Variants in CCDC13 observed in about 807,000 individuals in gnomAD.
CCDC13 encodes coiled-coil domain-containing protein 13.
Under a neutral mutation model 87.3 loss-of-function variants are expected in CCDC13, and 70 were observed. The ratio of observed to expected loss-of-function variants is 0.80; its 90% CI spans 0.66 to 0.98. The LOEUF is 0.98. CCDC13 is among the 50% of genes least tolerant of loss of function. CCDC13 has a pLI of 0.00. For missense variants in CCDC13, 842 were observed against 892.0 expected, an observed-to-expected ratio of 0.94 and a Z score of 0.71; for synonymous variants, 317 against 360.3, an observed-to-expected ratio of 0.88 and a Z score of 1.36.
intron 13 of CCDC13, among the ~76,000 whole-genome samples, chr3:42,722,791 C>CTT (rs956889825): frequency 1.3e-3 from 139 of 109,054 alleles, no homozygotes; most frequent in Middle Eastern, 6.3e-3. Context: ...TATTCCTTTA[C>CTT]TTTTTTTTTT....
intron 4 of CCDC13, 75 bp downstream of exon 4, chr3:42,752,500 T>G (rs1699609089): frequency 6.4e-7 from 1 of 1,573,130 alleles, no homozygotes; most frequent in Non-Finnish European, 8.7e-7. Flanking sequence ...CGGCTACATA[T>G]GGAGAAGCTA....
chr3:42,753,980 G>A (rs977146118), intron 3 of CCDC13, among the ~76,000 whole-genome samples: 5 of 152,174 alleles, frequency 3.3e-5, no homozygotes, highest in Non-Finnish European at 5.9e-5. Context: ...CATCGTCATC[G>A]ACTAGGTGGG....
At chr3:42,769,827 C>A (rs1025100239) in intron 1 of CCDC13, among the ~76,000 whole-genome samples, 3 of 152,238 alleles carry the variant, frequency 2.0e-5, no homozygotes, top group Non-Finnish European at 2.9e-5. Flanking sequence ...GCCGCAAGCC[C>A]CTGGCAGTGA....
chr3:42,732,123 C>T (rs1306548924), intron 12 of CCDC13, among the ~76,000 whole-genome samples: 1 of 152,240 alleles, frequency 6.6e-6, no homozygotes, highest in East Asian at 1.9e-4. Context: ...TGCCTTGTGG[C>T]TCAGTGTCAG....
chr3:42,769,863 T>G (rs1349191005), intron 1 of CCDC13, among the ~76,000 whole-genome samples: 2 of 152,246 alleles, frequency 1.3e-5, no homozygotes, highest in Non-Finnish European at 2.9e-5. Flanking sequence ...GGCCAGCAGC[T>G]GCTGTGCTCA....
rs769432338 is a variant in CCDC13, at chr3:42,735,915, T to TG, written c.1165-3dup. ...CTCCTGTAGCTGCTTCAGCTGGTCCTGGGGGGCCAGGCAGGAGGGCAGGTG... is the reference window on the plus strand; with the variant it reads ...CTCCTGTAGCTGCTTCAGCTGGTCCTGGGGGGGCCAGGCAGGAGGGCAGGTG... On this transcript the variant is annotated splice_polypyrimidine_tract_variant and splice_region_variant and intron_variant, in intron 9 of 15. Coordinates refer to ENST00000310232, the MANE Select transcript of CCDC13 (RefSeq NM_144719.4). 8 of 1,612,424 alleles carry TG rather than the reference T, an allele frequency of 5.0e-6. No homozygotes were observed. The highest frequency in any genetic ancestry group is 3.4e-4 in the Middle Eastern group (2 of 5,892).
chr3:42,745,259 G>A (rs1193321490), intron 7 of CCDC13: 5 of 151,900 alleles, frequency 3.3e-5, no homozygotes, highest in African/African-American at 1.2e-4. Flanking sequence ...CTTTTATACA[G>A]TGCTTCCTCC....
chr3:42,747,550 T>A (rs1397679998), intron 5 of CCDC13, among the ~76,000 whole-genome samples, 177 bp from the exon 6 acceptor site: 1 of 152,220 alleles, frequency 6.6e-6, no homozygotes, highest in African/African-American at 2.4e-5. Flanking sequence ...CCCTTATAGA[T>A]GCAAAATGGA....
intron 2 of CCDC13, 97 bp downstream of exon 2, chr3:42,758,028 C>T: frequency 2.0e-6 from 2 of 1,021,230 alleles, no homozygotes; most frequent in Non-Finnish European, 2.9e-6. Flanking sequence ...ATCACTTTAG[C>T]TGCATTTTAC....
chr3:42,735,697 C>T lies in CCDC13; in HGVS notation c.1371+10G>A. The T allele has an allele frequency of 1.2e-6, 2 of 1,613,202 alleles. No individual in the cohort carries two copies. The highest frequency in any genetic ancestry group is 1.7e-6 in the Non-Finnish European group (2 of 1,179,298). The stretch of plus-strand genomic sequence containing the variant: ...AAAATGGGTTTGGGCGCTGCCAGTG[C>T]CCTACTCACGTGCACATTGAGTTGT... On this transcript the variant is annotated intron_variant, in intron 10 of 15. Coordinates refer to ENST00000310232, the MANE Select transcript of CCDC13 (RefSeq NM_144719.4).
chr3:42,727,223 T>C (rs1334259142), intron 13 of CCDC13, among the ~76,000 whole-genome samples: 2 of 151,666 alleles, frequency 1.3e-5, no homozygotes, highest in Non-Finnish European at 2.9e-5. Context: ...AATACAAAAA[T>C]TAGCTGGGCG....
At position 42,757,167 on chromosome 3, in the gene CCDC13, G is replaced by A. The variant is rs371735974; in HGVS notation, c.269C>T (p.Thr90Met). ...ATACAATCGCCCGTTCTCGTCCACC[G>A]TTTCCCTGAGCTCATTTCGAAGGTG... ...IEHLRNELRE[T>M]VDENGRLYKL... is the part of the protein sequence containing the mutation. Residue 90 changes from threonine (T) to methionine (M), a missense_variant, in exon 3 of 16, where the codon ACG becomes ATG. By Grantham distance (81) the Thr-to-Met change is moderately conservative (BLOSUM62 -1). Coordinates refer to ENST00000310232, the MANE Select transcript of CCDC13 (RefSeq NM_144719.4). 26 of 1,614,022 alleles carry A rather than the reference G, an allele frequency of 1.6e-5. No individual in the cohort carries two copies. Among genetic ancestry groups the A allele is most frequent in the Admixed American group, 3.3e-5 (2 of 59,998 alleles).
chr3:42,730,668 G>C (rs1481226769), intron 12 of CCDC13, 79 bp from the exon 13 acceptor site: 30 of 1,556,222 alleles, frequency 1.9e-5, no homozygotes, highest in Non-Finnish European at 2.6e-5. Context: ...TGGTTGGAGG[G>C]ACTAGAAGGA....
chr3:42,721,996 T>C (rs1698574942), intron 13 of CCDC13, among the ~76,000 whole-genome samples: 1 of 152,228 alleles, frequency 6.6e-6, no homozygotes, highest in African/African-American at 2.4e-5. Context: ...AGTTGGCCAG[T>C]TCATGGAAAG....
chr3:42,749,957 G>A (rs756491620), intron 5 of CCDC13: 1 of 456,524 alleles, frequency 2.2e-6, no homozygotes, highest in Non-Finnish European at 4.4e-6. Context: ...GCCCTGAGCA[G>A]CCTATGAGGG....
At chr3:42,744,990 G>A (rs1483939783) in intron 7 of CCDC13, 1 of 152,146 alleles carries the variant, frequency 6.6e-6, no homozygotes, top group East Asian at 1.9e-4. Context: ...CCCAAGGTCA[G>A]AGTTGGCAGA....
intron 12 of CCDC13, among the ~76,000 whole-genome samples, chr3:42,731,312 T>C (rs1411744173): frequency 1.3e-5 from 2 of 151,868 alleles, no homozygotes; most frequent in African/African-American, 4.8e-5. Context: ...GGCTGGGGCA[T>C]GTGATCCTGA....
At chr3:42,735,561 G>A in intron 10 of CCDC13, 146 bp downstream of exon 10, 1 of 772,716 alleles carries the variant, frequency 1.3e-6, no homozygotes, top group Non-Finnish European at 2.2e-6. Context: ...GAATGGGTTG[G>A]GGAGCCAGAT....
intron 12 of CCDC13, among the ~76,000 whole-genome samples, chr3:42,731,687 T>A (rs1343123205): frequency 1.3e-5 from 2 of 152,108 alleles, no homozygotes; most frequent in South Asian, 4.1e-4. Context: ...GGCCGATTCT[T>A]CACTCTGCCC....
Sources: gnomAD v4.1 joint callset for allele counts (sites outside exome capture counted in the v4.1 genomes callset) on GRCh38, gnomAD v4.1.1 for gene constraint, MANE v1.5 for transcripts, NCBI Gene and HGNC (gene_info 2026-07-23, HGNC 2026-07-21) for gene names.